The following SPG7 variants were observed in gnomAD, a reference collection of about 807,000 sequenced individuals.
The protein encoded by SPG7 is mitochondrial inner membrane m-AAA protease component paraplegin.
A neutral mutation model predicts 81.9 loss-of-function variants in SPG7; 103 were observed. The ratio of observed to expected loss-of-function variants is 1.26; its 90% confidence interval spans 1.07 to 1.48. The LOEUF (loss-of-function observed/expected upper bound fraction) is 1.48. SPG7 is among the 40% of genes most tolerant of loss of function. The pLI, the probability that SPG7 is intolerant of heterozygous loss-of-function variation, is 0.00. For missense variants in SPG7, 1,241 were observed against 1,087.3 expected (o/e 1.14, Z -1.99); for synonymous variants, 534 against 444.2 (o/e 1.20, Z -2.54).
Position 89,529,494 on chromosome 16 carries a change from G to A in SPG7, c.776G>A (p.Gly259Glu), listed in dbSNP as rs760516517. ...TCCGGCAGTGCCCTGTACTCTGTGG[G>A]GATGACGGCAGTGGGCCTGGCCATC... ...GFFGNALYSV[G>E]MTAVGLAILW... is the part of the protein sequence containing the mutation. Residue 259 changes from glycine (G) to glutamate (E), a missense_variant, in exon 6 of 17, where the codon GGG becomes GAG. Physicochemically the swap from Gly to Glu is moderately conservative, Grantham distance 98 (BLOSUM62 -2). Transcript: ENST00000645818. 3.7e-6 allele frequency: 6 copies of A among 1,613,344 alleles called. No individual in the cohort carries two copies. Among genetic ancestry groups the A allele is most frequent in the South Asian group, 3.3e-5 (3 of 90,948 alleles).
Position 89,554,547 on chromosome 16 carries a change from T to C in SPG7, c.2165T>C (p.Leu722Pro). Residue 722 changes from leucine to proline, a missense_variant, in exon 16 of 17, where the codon CTG (leucine) becomes CCG (proline). Transcript: ENST00000645818. The stretch of plus-strand genomic sequence containing the variant: ...ACCGAGAAGGTGCTGCAGGACAACC[T>C]GGACAAGTTGCAGGCGGTGAGGCCC... ...RHTEKVLQDNLDKLQALANAL... is the reference protein window; with the variant it reads ...RHTEKVLQDNPDKLQALANAL... The C allele has an allele frequency of 4.4e-6, 7 of 1,608,864 alleles. No homozygotes were observed. The highest frequency in any genetic ancestry group is 5.9e-6 in the Non-Finnish European group (7 of 1,179,664).
rs766011313 is a variant in SPG7, at chr16:89,526,406, G to T, written c.696G>T (p.Glu232Asp). The change falls in exon 5 of 17, where the codon GAG (glutamate) becomes GAT (aspartate). Residue 232 changes from glutamate (E) to aspartate (D), a missense_variant. Physicochemically the swap from Glu to Asp is conservative, Grantham distance 45 (BLOSUM62 2). Transcript: ENST00000645818. ...AGAAGCTTCGAGCAGCTGAAGATGAGCTGAATATCGAGGCCAAGGACAGGA... is the reference window on the plus strand; with the variant it reads ...AGAAGCTTCGAGCAGCTGAAGATGATCTGAATATCGAGGCCAAGGACAGGA... ...FEEKLRAAEDELNIEAKDRIP... is the reference protein window; with the variant it reads ...FEEKLRAAEDDLNIEAKDRIP... 1 of 1,614,200 alleles carries T rather than the reference G, an allele frequency of 6.2e-7. No individual in the cohort carries two copies. Among genetic ancestry groups the T allele is most frequent in the East Asian group, 2.2e-5 (1 of 44,890 alleles).
intron 3 of SPG7, among the ~76,000 whole-genome samples, chr16:89,514,879 C>T (rs921703763): frequency 6.6e-6 from 1 of 151,674 alleles, no homozygotes; most frequent in African/African-American, 2.4e-5. Flanking sequence ...ATTCACCCAC[C>T]TTGGCCTCCC....
intron 10 of SPG7, chr16:89,545,920 A>G: frequency 2.2e-6 from 1 of 449,648 alleles, no homozygotes; most frequent in South Asian, 1.6e-5. Context: ...TGCTGCGATC[A>G]CCACTCACTG....
intron 12 of SPG7, chr16:89,548,886 G>A: frequency 2.2e-6 from 1 of 449,372 alleles, no homozygotes; most frequent in African/African-American, 2.0e-5. Context: ...AGGTGTTTGA[G>A]GAGCACGAGC....
chr16:89,553,306 C>A, intron 14 of SPG7, 171 bp downstream of exon 14: 1 of 729,902 alleles, frequency 1.4e-6, no homozygotes, highest in Non-Finnish European at 2.3e-6. Flanking sequence ...CTAAGCAAGA[C>A]TTCTTAGATA....
chr16:89,510,547 AAAC>A lies in SPG7; in HGVS notation c.246_248del (p.Gln82del). On this transcript the variant is annotated inframe_deletion, in exon 2 of 17. Transcript: ENST00000645818. Reference sequence around the variant, plus strand: ...TGAAGGGATCAACGGATTGTTGTTGAAACAACATTTAGTTCAGAATCCAGTCAG... The same window carrying A: ...TGAAGGGATCAACGGATTGTTGTTGAAACATTTAGTTCAGAATCCAGTCAG... The A allele has an allele frequency of 6.2e-7, 1 of 1,612,586 alleles. No individual in the cohort carries two copies. Among genetic ancestry groups the A allele is most frequent in the Non-Finnish European group, 8.5e-7 (1 of 1,179,228 alleles).
chr16:89,536,317 G>T (rs62071463), intron 9 of SPG7, among the ~76,000 whole-genome samples: 1,505 of 43,694 alleles, frequency 0.034, 15 homozygotes, highest in East Asian at 0.11. Flanking sequence ...CAGTGTGGCC[G>T]CTCTGGTGCT....
intron 3 of SPG7, chr16:89,520,388 G>A: frequency 5.4e-6 from 1 of 185,740 alleles, no homozygotes; most frequent in Non-Finnish European, 1.1e-5. Context: ...GCTTTTGTTT[G>A]TTTGTTTGTT....
intron 10 of SPG7, chr16:89,545,897 G>C (rs766700426): frequency 2.2e-5 from 10 of 446,966 alleles, no homozygotes; most frequent in South Asian, 1.6e-4. Context: ...CTGTCACCCA[G>C]GCTGGAGTGC....
chr16:89,543,410 T>A (rs2058524642), intron 9 of SPG7: 1 of 147,418 alleles, frequency 6.8e-6, no homozygotes, highest in African/African-American at 2.5e-5. Flanking sequence ...TGACACAATC[T>A]CGGTTCACTG....
chr16:89,512,609 C>A (rs1352098082), intron 2 of SPG7, among the ~76,000 whole-genome samples: 1 of 152,200 alleles, frequency 6.6e-6, no homozygotes, highest in East Asian at 1.9e-4. Flanking sequence ...CCACGCCTGG[C>A]GTGTTTAAGT....
In SPG7 at chr16:89,556,687, C is replaced by T. The variant is rs991891576; in HGVS notation, c.2182-200C>T. The T allele has an allele frequency of 6.6e-6, 4 of 603,728 alleles. No individual in the cohort carries two copies. The African/African-American group carries it at 7.4e-5, about 11-fold the overall frequency. The allele number at this position is 603,728 out of a possible 1,614,324, so 37.4% of individuals were successfully genotyped here. A position where few individuals can be genotyped will look rare whatever the true frequency, so the allele number is the denominator to read the frequency against. On this transcript the variant is annotated intron_variant, in intron 16 of 16. Coordinates refer to ENST00000645818, the MANE Select transcript of SPG7 (RefSeq NM_003119.4). ...GTAGAAAAATTAATGAGGCTGGCCGCCGGAAAATCATTTATGAGGTTGAGA... is the reference window on the plus strand; with the variant it reads ...GTAGAAAAATTAATGAGGCTGGCCGTCGGAAAATCATTTATGAGGTTGAGA...
intron 6 of SPG7, chr16:89,530,473 A>G (rs1296982309): frequency 3.1e-6 from 2 of 636,498 alleles, no homozygotes; most frequent in Admixed American, 2.5e-5. Context: ...AAATTGCTAG[A>G]TAAGTTTCTT....
chr16:89,550,167 G>A (rs150842906), intron 12 of SPG7: 75 of 359,110 alleles, frequency 2.1e-4, no homozygotes, highest in Non-Finnish European at 3.7e-4. Context: ...TCACCCCCCC[G>A]TCATTCTTTT....
chr16:89,516,088 A>G (rs1397701728), intron 3 of SPG7, among the ~76,000 whole-genome samples: 2 of 151,190 alleles, frequency 1.3e-5, no homozygotes, highest in African/African-American at 4.9e-5. Flanking sequence ...CCTGGGTTCC[A>G]GTGATTCTCC....
At chr16:89,545,151 T>C in intron 10 of SPG7, 1 of 352,198 alleles carries the variant, frequency 2.8e-6, no homozygotes, top group Non-Finnish European at 5.6e-6. Flanking sequence ...ACTTTATTCT[T>C]GTGTGGCATC....
Position 89,552,989 on chromosome 16 carries a change from C to A in SPG7, c.1790C>A (p.Thr597Asn). 1 of 1,613,880 alleles carries A rather than the reference C, an allele frequency of 6.2e-7. No homozygotes were observed. The highest frequency in any genetic ancestry group is 8.5e-7 in the Non-Finnish European group (1 of 1,179,874). Residue 597 changes from threonine to asparagine, a missense_variant, in exon 14 of 17, where the codon ACC becomes AAC. Transcript: ENST00000645818. ...TTGACCTTGTGCCAGGTCTCCATAACCCCTCGGACAAACGCCGCCCTGGGC... is the reference window on the plus strand; with the variant it reads ...TTGACCTTGTGCCAGGTCTCCATAAACCCTCGGACAAACGCCGCCCTGGGC... ...HTEAVMKVSI[T>N]PRTNAALGFA...
rs768805935 is a variant in SPG7, at chr16:89,554,528, A to G, written c.2146A>G (p.Lys716Glu). Residue 716 changes from lysine to glutamate, a missense_variant, in exon 16 of 17, where the codon AAG becomes GAG. Physicochemically the swap from Lys to Glu is moderately conservative, Grantham distance 56. Transcript: ENST00000645818. ...GGCCAAGGCCTACAGACACACCGAGAAGGTGCTGCAGGACAACCTGGACAA... is the reference window on the plus strand; with the variant it reads ...GGCCAAGGCCTACAGACACACCGAGGAGGTGCTGCAGGACAACCTGGACAA... ...LVAKAYRHTE[K>E]VLQDNLDKLQ... 3.7e-6 allele frequency: 6 copies of G among 1,609,642 alleles called. No individual in the cohort carries two copies. The highest frequency in any genetic ancestry group is 5.1e-6 in the Non-Finnish European group (6 of 1,179,876).
Sources: gnomAD v4.1 joint callset for allele counts (sites outside exome capture counted in the v4.1 genomes callset) on GRCh38, gnomAD v4.1.1 for gene constraint, MANE v1.5 for transcripts, NCBI Gene and HGNC (gene_info 2026-07-23, HGNC 2026-07-21) for gene names.